The following MAN1A2 variants were observed in gnomAD, a reference collection of about 807,000 sequenced individuals.
MAN1A2 encodes the protein mannosyl-oligosaccharide 1,2-alpha-mannosidase IB.
A neutral mutation model predicts 75.7 loss-of-function variants in MAN1A2; 26 were observed. The ratio of observed to expected loss-of-function variants is 0.34; its 90% confidence interval spans 0.25 to 0.48. The LOEUF (loss-of-function observed/expected upper bound fraction) is 0.48, where lower values mean the gene tolerates loss of function less well. MAN1A2 is among the 20% of genes least tolerant of loss of function. The pLI, the probability that MAN1A2 is intolerant of heterozygous loss-of-function variation, is 0.99. For synonymous variants in MAN1A2, 247 were observed against 264.6 expected (o/e 0.93, Z 0.65); for missense variants, 562 against 775.5 (o/e 0.72, Z 3.27).
intron 6 of MAN1A2, among the ~76,000 whole-genome samples, chr1:117,446,363 G>A (rs1649236132): frequency 6.6e-6 from 1 of 151,908 alleles, no homozygotes; most frequent in South Asian, 2.1e-4. Flanking sequence ...ACTGTAGGTT[G>A]TATCTTTCTA....
At chr1:117,507,918 C>T (rs1392827482) in intron 12 of MAN1A2, among the ~76,000 whole-genome samples, 1 of 151,650 alleles carries the variant, frequency 6.6e-6, no homozygotes, top group East Asian at 1.9e-4. Flanking sequence ...GGTCAAAAGT[C>T]TCTTAAGCTG....
chr1:117,503,667 A>C (rs906098557), intron 12 of MAN1A2, among the ~76,000 whole-genome samples: 1 of 151,564 alleles, frequency 6.6e-6, no homozygotes, highest in Non-Finnish European at 1.5e-5. Context: ...ATATCTGTAC[A>C]TGAAAGCCTT....
At chr1:117,466,461 A>G (rs1380627291) in intron 8 of MAN1A2, 34 bp downstream of exon 8, 2 of 1,377,522 alleles carry the variant, frequency 1.5e-6, no homozygotes, top group East Asian at 4.7e-5. Context: ...GCTTTCTTAA[A>G]AAATTATTTG....
intron 1 of MAN1A2, among the ~76,000 whole-genome samples, chr1:117,395,510 A>G (rs2101745443): frequency 6.6e-6 from 1 of 152,304 alleles, no homozygotes; most frequent in East Asian, 1.9e-4. Context: ...TCTAAGCCAC[A>G]ATTACTAGTT....
chr1:117,419,392 A>G (rs146562923), intron 4 of MAN1A2, among the ~76,000 whole-genome samples: 3 of 152,152 alleles, frequency 2.0e-5, no homozygotes, highest in Admixed American at 6.5e-5. Context: ...TATTTAGTCA[A>G]TGTCTGCTAT....
At chr1:117,484,872 CTCTT>C (rs1650622249) in intron 8 of MAN1A2, among the ~76,000 whole-genome samples, 1 of 151,918 alleles carries the variant, frequency 6.6e-6, no homozygotes, top group Admixed American at 6.6e-5. Context: ...ACACACTCAA[CTCTT>C]TCTTAATATT....
chr1:117,440,020 A>G (rs1462121554), intron 5 of MAN1A2, among the ~76,000 whole-genome samples: 2 of 152,236 alleles, frequency 1.3e-5, no homozygotes, highest in African/African-American at 2.4e-5. Flanking sequence ...AATGTCCATT[A>G]ATAGAGGACT....
chr1:117,463,518 T>TAC (rs10560421), intron 7 of MAN1A2, among the ~76,000 whole-genome samples: 21,785 of 150,370 alleles, frequency 0.14, 1,749 homozygotes, highest in Middle Eastern at 0.22. Flanking sequence ...AACACACACA[T>TAC]ACACACACAC....
chr1:117,377,180 A>G, intron 1 of MAN1A2, among the ~76,000 whole-genome samples: 1 of 152,204 alleles, frequency 6.6e-6, no homozygotes, highest in East Asian at 1.9e-4. Flanking sequence ...GTGGCATCTG[A>G]TACAAAGTTT....
chr1:117,461,135 A>G, intron 7 of MAN1A2, among the ~76,000 whole-genome samples: 1 of 152,230 alleles, frequency 6.6e-6, no homozygotes, highest in East Asian at 1.9e-4. Context: ...GCAAAAAGAT[A>G]TCTTATGTAA....
chr1:117,506,128 TA>T (rs34130906), intron 12 of MAN1A2, among the ~76,000 whole-genome samples: 31,941 of 151,406 alleles, frequency 0.21, 3,872 homozygotes, highest in East Asian at 0.4. Context: ...GGAATGAAGA[TA>T]AGTATGGTCT....
chr1:117,465,440 G>A (rs1394930397), intron 7 of MAN1A2, among the ~76,000 whole-genome samples: 1 of 152,138 alleles, frequency 6.6e-6, no homozygotes, highest in Non-Finnish European at 1.5e-5. Flanking sequence ...CAGCATCCCT[G>A]AGTCCATTCC....
At chr1:117,431,489 G>A (rs1170426590) in intron 5 of MAN1A2, among the ~76,000 whole-genome samples, 4 of 152,032 alleles carry the variant, frequency 2.6e-5, no homozygotes, top group Non-Finnish European at 5.9e-5. Context: ...TAGAAGTCCC[G>A]AATGACAGTA....
chr1:117,443,075 A>G (rs1042800852), intron 6 of MAN1A2, among the ~76,000 whole-genome samples: 1 of 152,178 alleles, frequency 6.6e-6, no homozygotes, highest in Non-Finnish European at 1.5e-5. Context: ...TTTATTCATC[A>G]TAATGTTGGA....
intron 1 of MAN1A2, among the ~76,000 whole-genome samples, chr1:117,398,070 A>G (rs938033686): frequency 6.6e-6 from 1 of 152,170 alleles, no homozygotes; most frequent in Non-Finnish European, 1.5e-5. Context: ...AACACCTATT[A>G]TATGCCAGGT....
chr1:117,408,528 A>ACTGTTATTCTG (rs1647693055), intron 3 of MAN1A2, among the ~76,000 whole-genome samples: 1 of 151,872 alleles, frequency 6.6e-6, no homozygotes, highest in African/African-American at 2.4e-5. Flanking sequence ...TTTCTGACTT[A>ACTGTTATTCTG]ACTGTGATTT....
intron 6 of MAN1A2, among the ~76,000 whole-genome samples, chr1:117,454,864 A>G (rs1052856901): frequency 6.6e-6 from 1 of 152,152 alleles, no homozygotes; most frequent in African/African-American, 2.4e-5. Context: ...GTGGTATAAT[A>G]TATAAAGGTC....
At chr1:117,413,964 T>C (rs1038718596) in intron 3 of MAN1A2, among the ~76,000 whole-genome samples, 2 of 151,948 alleles carry the variant, frequency 1.3e-5, no homozygotes, top group Non-Finnish European at 2.9e-5. Context: ...TCTCTTAAGT[T>C]TTCATTATCT....
At chr1:117,491,515 A>C in intron 8 of MAN1A2, among the ~76,000 whole-genome samples, 1 of 152,052 alleles carries the variant, frequency 6.6e-6, no homozygotes, top group South Asian at 2.1e-4. Flanking sequence ...GCACCTGATC[A>C]CCATTTTCTG....
Sources: allele counts gnomAD v4.1 joint callset (sites outside exome capture counted in the v4.1 genomes callset), GRCh38; gene constraint gnomAD v4.1.1; transcripts MANE v1.5; gene names NCBI Gene and HGNC (gene_info 2026-07-23, HGNC 2026-07-21).